Variants in HIVEP3 observed in about 807,000 individuals in gnomAD.
The protein encoded by HIVEP3 is transcription factor HIVEP3.
A neutral mutation model predicts 152.8 loss-of-function variants in HIVEP3; 49 were observed. That is an observed-to-expected ratio of 0.32 (90% CI 0.26 to 0.41). The LOEUF (loss-of-function observed/expected upper bound fraction) is 0.41, where lower values mean the gene tolerates loss of function less well. HIVEP3 is among the 10% of genes least tolerant of loss of function. The pLI, the probability that HIVEP3 is intolerant of heterozygous loss-of-function variation, is 1.00. For synonymous variants in HIVEP3, 1,269 were observed against 1,289.0 expected, an observed-to-expected ratio of 0.98 and a Z score of 0.33; for missense variants, 2,790 against 3,103.3, an observed-to-expected ratio of 0.90 and a Z score of 2.40.
intron 2 of HIVEP3, among the ~76,000 whole-genome samples, chr1:41,671,302 C>T (rs1166017417): frequency 2.6e-5 from 4 of 152,250 alleles, no homozygotes; most frequent in East Asian, 1.9e-4. Context: ...GAAGCAGATC[C>T]GCTCCGAAGC....
chr1:41,794,577 T>TAACA (rs111841874), intron 1 of HIVEP3, among the ~76,000 whole-genome samples: 3 of 152,086 alleles, frequency 2.0e-5, no homozygotes, highest in Non-Finnish European at 2.9e-5. Flanking sequence ...CCTCACACCC[T>TAACA]AACAAACAAA....
chr1:41,520,153 C>G (rs570223251), intron 6 of HIVEP3, among the ~76,000 whole-genome samples: 50 of 152,284 alleles, frequency 3.3e-4, no homozygotes, highest in African/African-American at 1.1e-3. Context: ...CTGAAGGGTG[C>G]TTCTTAATCA....
chr1:42,011,485 T>C (rs1385238126), intron 1 of HIVEP3, among the ~76,000 whole-genome samples: 1 of 152,218 alleles, frequency 6.6e-6, no homozygotes, highest in Non-Finnish European at 1.5e-5. Flanking sequence ...TACTTCTGGG[T>C]AAAATTAATC....
chr1:41,725,916 T>C (rs910018465), intron 1 of HIVEP3, among the ~76,000 whole-genome samples: 2 of 152,214 alleles, frequency 1.3e-5, no homozygotes, highest in Non-Finnish European at 2.9e-5. Context: ...AAAACAACTA[T>C]ACATTTAAAA....
At chr1:41,741,634 C>T (rs1033548941) in intron 1 of HIVEP3, among the ~76,000 whole-genome samples, 2 of 152,250 alleles carry the variant, frequency 1.3e-5, no homozygotes. Context: ...GCTGAGGCTG[C>T]AGCCACCTGG....
At chr1:41,836,593 T>C (rs764220846) in intron 1 of HIVEP3, among the ~76,000 whole-genome samples, 1 of 152,226 alleles carries the variant, frequency 6.6e-6, no homozygotes, top group Non-Finnish European at 1.5e-5. Flanking sequence ...TCAATGAAAC[T>C]GGTCATGTGG....
intron 5 of HIVEP3, among the ~76,000 whole-genome samples, chr1:41,528,236 TCA>T (rs1345796926): frequency 1.9e-4 from 10 of 51,658 alleles, no homozygotes; most frequent in South Asian, 7.3e-4. Context: ...CCTCACACCC[TCA>T]CACACTCACC....
chr1:41,845,257 G>A (rs76731996), intron 1 of HIVEP3, among the ~76,000 whole-genome samples: 49 of 152,176 alleles, frequency 3.2e-4, no homozygotes, highest in Middle Eastern at 3.4e-3. Context: ...TGAGGACAAA[G>A]AGTTTTGGTT....
intron 5 of HIVEP3, among the ~76,000 whole-genome samples, chr1:41,565,106 G>A (rs922390981): frequency 6.6e-6 from 1 of 152,198 alleles, no homozygotes; most frequent in Non-Finnish European, 1.5e-5. Flanking sequence ...ACAAAGTGCA[G>A]TTAAGCACAC....
chr1:41,881,623 T>C (rs1452303242), intron 1 of HIVEP3, among the ~76,000 whole-genome samples: 4 of 152,206 alleles, frequency 2.6e-5, no homozygotes, highest in African/African-American at 7.2e-5. Context: ...TAGTTCTACT[T>C]TATTAATAGA....
intron 1 of HIVEP3, among the ~76,000 whole-genome samples, chr1:41,756,483 T>G (rs1349692255): frequency 6.6e-6 from 1 of 152,204 alleles, no homozygotes; most frequent in Admixed American, 6.5e-5. Context: ...TTTTACAAAC[T>G]TATCCTAAGG....
At chr1:41,689,064 A>C (rs1646155952) in intron 2 of HIVEP3, among the ~76,000 whole-genome samples, 1 of 152,270 alleles carries the variant, frequency 6.6e-6, no homozygotes, top group African/African-American at 2.4e-5. Context: ...TACAGTTTAG[A>C]GAAAGACACT....
At chr1:41,683,305 A>G (rs576640688) in intron 2 of HIVEP3, among the ~76,000 whole-genome samples, 17 of 152,200 alleles carry the variant, frequency 1.1e-4, no homozygotes, top group East Asian at 1.9e-4. Context: ...CCTTCCACCA[A>G]CCCCAAAGTG....
intron 1 of HIVEP3, among the ~76,000 whole-genome samples, chr1:41,783,781 G>A (rs551366830): frequency 3.2e-4 from 49 of 152,278 alleles, no homozygotes; most frequent in African/African-American, 1.0e-3. Context: ...GCTGAACCCC[G>A]CTCAGAAAGG....
At chr1:41,807,235 C>G (rs1029573745) in intron 1 of HIVEP3, among the ~76,000 whole-genome samples, 2 of 152,148 alleles carry the variant, frequency 1.3e-5, no homozygotes, top group Non-Finnish European at 2.9e-5. Flanking sequence ...ACGGGGAGGG[C>G]CCCCATGGTG....
chr1:41,545,651 CACT>C (rs199736512), intron 5 of HIVEP3, among the ~76,000 whole-genome samples: 5,548 of 133,946 alleles, frequency 0.041, 576 homozygotes, highest in East Asian at 0.38. Flanking sequence ...CCATCACCAC[CACT>C]ACCACCCCTG....
chr1:41,513,582 T>A lies in HIVEP3; in HGVS notation c.5639A>T (p.Glu1880Val), dbSNP rs1642515833. 1 of 1,613,338 alleles carries A rather than the reference T, an allele frequency of 6.2e-7. No individual in the cohort carries two copies. Among genetic ancestry groups the A allele is most frequent in the Non-Finnish European group, 8.5e-7 (1 of 1,179,840 alleles). Residue 1880 changes from glutamate (E) to valine (V), a missense_variant, in exon 8 of 9, where the codon GAG (glutamate) becomes GTG (valine). Glu to Val is a moderately radical substitution (Grantham distance 121). This residue lies in a region of HIVEP3 where 816 missense variants were observed against 806.5 expected (regional missense o/e 1.01). Coordinates refer to ENST00000372583, the MANE Select transcript of HIVEP3 (RefSeq NM_024503.5). ...SQDELSRPSS[E>V]APPPGPPHAL... ...ATGTGGTGGGCCAGGCGGGGGCGCC[T>A]CTGAGGATGGTCTGGACAGCTCATC...
Position 41,608,326 on chromosome 1 carries a change from C to T in HIVEP3, c.-522+20423G>A, listed in dbSNP as rs76770224. 5.3e-3 allele frequency among the ~76,000 whole-genome samples: 812 copies of T among 152,304 alleles called. 5 individuals carry two copies. The highest frequency in any genetic ancestry group is 0.018 in the African/African-American group (757 of 41,552). On this transcript the variant is annotated intron_variant, in intron 3 of 8. Transcript: ENST00000372583. ...ATGGTGGGCATAATGCTATACTTCA[C>T]CCTGAGACGGAGCTGCCAATCCTTC...
chr1:41,908,066 C>T (rs1644742209), intron 1 of HIVEP3, among the ~76,000 whole-genome samples: 1 of 150,834 alleles, frequency 6.6e-6, no homozygotes, highest in South Asian at 2.1e-4. Context: ...AAAAACAAAA[C>T]AAAACAAAAC....
Sources: gnomAD v4.1 joint callset for allele counts (sites outside exome capture counted in the v4.1 genomes callset) on GRCh38, gnomAD v4.1.1 for gene constraint, gnomAD v4.1.1 regional missense constraint, MANE v1.5 for transcripts, NCBI Gene and HGNC (gene_info 2026-07-23, HGNC 2026-07-21) for gene names.